The following SGCD variants were observed in gnomAD, a reference collection of about 807,000 sequenced individuals.
The protein encoded by SGCD is sarcoglycan delta, also known as delta-sarcoglycan.
SGCD carries 18 observed loss-of-function variants against 36.6 expected under a neutral mutation model. The ratio of observed to expected loss-of-function variants is 0.49; its 90% CI spans 0.34 to 0.73. The LOEUF (loss-of-function observed/expected upper bound fraction) is 0.73, where lower values mean the gene tolerates loss of function less well. Among genes scored for constraint, SGCD ranks in the 30% least tolerant of loss-of-function variants. The pLI, the probability that SGCD is intolerant of heterozygous loss-of-function variation, is 0.01. For missense variants in SGCD, 387 were observed against 346.7 expected (o/e 1.12, Z -0.92); for synonymous variants, 133 against 130.6 (o/e 1.02, Z -0.12).
intron 1 of SGCD, among the ~76,000 whole-genome samples, chr5:155,955,549 C>G (rs1401017218): frequency 6.6e-6 from 1 of 151,968 alleles, no homozygotes; most frequent in South Asian, 2.1e-4. Flanking sequence ...TCTCATTTTT[C>G]TTTGTGAAAA....
chr5:155,982,245 G>T (rs189164279), intron 1 of SGCD, among the ~76,000 whole-genome samples: 37 of 152,270 alleles, frequency 2.4e-4, no homozygotes, highest in African/African-American at 8.2e-4. Context: ...GGGCATGAGG[G>T]CAGGGCTTTG....
chr5:156,306,539 A>C (rs1276869820), intron 3 of SGCD, among the ~76,000 whole-genome samples: 1 of 152,228 alleles, frequency 6.6e-6, no homozygotes, highest in Non-Finnish European at 1.5e-5. Context: ...GCTGTTTTCT[A>C]TACAAAGTCT....
rs2113209464 is a variant in SGCD at position 156,765,446 on chromosome 5, T to G, written c.*6056T>G. On this transcript the variant is annotated 3_prime_UTR_variant, in exon 9 of 9. Transcript: ENST00000337851. ...GACAATCTGAGCCAATCTATGAAACTTCTCCCCAAAAAGAACCACCCCACA... is the reference window on the plus strand; with the variant it reads ...GACAATCTGAGCCAATCTATGAAACGTCTCCCCAAAAAGAACCACCCCACA... 1 of 152,260 alleles carries G rather than the reference T, an allele frequency of 6.6e-6. No individual in the cohort carries two copies. The highest frequency in any genetic ancestry group is 2.4e-5 in the African/African-American group (1 of 41,556). The allele number at this position is 152,260 out of a possible 1,614,324, so 9.4% of individuals were successfully genotyped here. A position where few individuals can be genotyped will look rare whatever the true frequency, so the allele number is the denominator to read the frequency against.
chr5:156,360,167 C>A (rs1344425369), intron 3 of SGCD, among the ~76,000 whole-genome samples: 2 of 152,184 alleles, frequency 1.3e-5, no homozygotes, highest in East Asian at 3.9e-4. Flanking sequence ...AAATTCAGAA[C>A]TTGTCTTCCT....
At chr5:156,647,646 AATT>A in intron 7 of SGCD, 110 bp downstream of exon 7, 1 of 11,164 alleles carries the variant, frequency 9.0e-5, no homozygotes, top group Non-Finnish European at 1.3e-4. Context: ...TGAATACATA[AATT>A]GAAAGAGGTT....
At chr5:156,434,325 A>T (rs753880675) in intron 3 of SGCD, among the ~76,000 whole-genome samples, 2 of 152,202 alleles carry the variant, frequency 1.3e-5, no homozygotes, top group African/African-American at 4.8e-5. Context: ...CAGAGTTTAG[A>T]TGGGAGGGAT....
intron 7 of SGCD, among the ~76,000 whole-genome samples, chr5:156,673,712 G>A (rs905003350): frequency 6.6e-6 from 1 of 152,066 alleles, no homozygotes; most frequent in African/African-American, 2.4e-5. Context: ...ATAAATTCAG[G>A]GTCTTAAAAA....
chr5:156,738,103 TCATTAGATGTTCTGAGAG>T (rs1756470394), intron 7 of SGCD, among the ~76,000 whole-genome samples: 1 of 152,194 alleles, frequency 6.6e-6, no homozygotes, highest in African/African-American at 2.4e-5. Flanking sequence ...GTTGCATGGG[TCATTAGATGTTCTGAGAG>T]CATTAGGTCT....
At chr5:155,804,503 T>G in the SGCD span, among the ~76,000 whole-genome samples, 56 of 152,356 alleles carry the variant, frequency 3.7e-4, no homozygotes, top group Admixed American at 5.9e-4. Context: ...TATGATTGTA[T>G]CCACTGTGTG....
At chr5:156,275,782 A>C (rs777227664) in intron 3 of SGCD, among the ~76,000 whole-genome samples, 1 of 152,198 alleles carries the variant, frequency 6.6e-6, no homozygotes, top group Non-Finnish European at 1.5e-5. Context: ...TGTGAAGTAT[A>C]TGCTATCATT....
intron 7 of SGCD, among the ~76,000 whole-genome samples, chr5:156,671,061 C>G (rs1169127870): frequency 6.6e-6 from 1 of 151,564 alleles, no homozygotes; most frequent in Non-Finnish European, 1.5e-5. Flanking sequence ...GTTCTTTACA[C>G]TATGGTGGTT....
chr5:156,199,014 A>ATC (rs1244266724), intron 3 of SGCD, among the ~76,000 whole-genome samples: 1 of 152,016 alleles, frequency 6.6e-6, no homozygotes, highest in African/African-American at 2.4e-5. Context: ...TTGAATAATT[A>ATC]TCTATTCGAC....
At chr5:156,545,727 C>A (rs1194040151) in intron 4 of SGCD, among the ~76,000 whole-genome samples, 1 of 152,152 alleles carries the variant, frequency 6.6e-6, no homozygotes, top group Non-Finnish European at 1.5e-5. Flanking sequence ...TACCCGTCTT[C>A]GGCCTGGGGG....
At chr5:155,789,891 T>G in the SGCD span, among the ~76,000 whole-genome samples, 1 of 152,100 alleles carries the variant, frequency 6.6e-6, no homozygotes, top group African/African-American at 2.4e-5. Flanking sequence ...CCCTTATTTT[T>G]AATCCATTGT....
chr5:156,757,447 T>C lies in SGCD; in HGVS notation c.576-134T>C, dbSNP rs1401216488. On this transcript the variant is annotated intron_variant, in intron 7 of 8. Coordinates refer to ENST00000337851, the MANE Select transcript of SGCD (RefSeq NM_000337.6). ...GCTCCCTGTCATAAACTTGACCAGG[T>C]TGTAAAGCAAAACTTTAAAAAATTC... 1.0e-5 allele frequency: 6 copies of C among 576,922 alleles called. No homozygotes were observed. In the South Asian group the frequency reaches 1.5e-4, roughly 14 times the overall value. The allele number at this position is 576,922 out of a possible 1,614,324, so 35.7% of individuals were successfully genotyped here.
rs565867524 is a variant in SGCD, at chr5:156,204,476, A to T, written c.-44+80457A>T. 5.8e-3 allele frequency among the ~76,000 whole-genome samples: 363 copies of T among 62,556 alleles called. 7 individuals carry two copies. Among genetic ancestry groups the T allele is most frequent in the South Asian group, 0.057 (161 of 2,848 alleles). 41.0% of individuals were successfully genotyped at this position (62,556 alleles called of 152,430 possible). On this transcript the variant is annotated intron_variant, in intron 3 of 9. Coordinates refer to the SGCD transcript ENST00000517913. ...ACTAGTTTAGCCAACACACTCATACACACACACACACACACACACACACAC... is the reference window on the plus strand; with the variant it reads ...ACTAGTTTAGCCAACACACTCATACTCACACACACACACACACACACACAC...
chr5:156,613,774 TCTC>T (rs1386824731), intron 6 of SGCD, among the ~76,000 whole-genome samples: 4 of 152,136 alleles, frequency 2.6e-5, no homozygotes, highest in African/African-American at 7.2e-5. Flanking sequence ...TTGCCACAAA[TCTC>T]CTGGTAACTT....
In SGCD at chr5:156,583,551, G is replaced by A. The variant is rs1760370649; in HGVS notation, c.295-5680G>A. 2.0e-5 allele frequency among the ~76,000 whole-genome samples: 3 copies of A among 152,184 alleles called. No individual in the cohort carries two copies. In the South Asian group the frequency reaches 6.2e-4, roughly 31 times the overall value. On this transcript the variant is annotated intron_variant, in intron 4 of 8. Coordinates refer to ENST00000337851, the MANE Select transcript of SGCD (RefSeq NM_000337.6). ...ATATCATGTACTCCTCTTTCTAGCA[G>A]ATGCCACAAGGTAACCAGAGTGATC...
At chr5:156,669,364 C>G (rs999305026) in intron 7 of SGCD, among the ~76,000 whole-genome samples, 1 of 151,942 alleles carries the variant, frequency 6.6e-6, no homozygotes, top group Non-Finnish European at 1.5e-5. Context: ...CACATAAGCC[C>G]CCTCCCCTCT....
Sources: allele counts gnomAD v4.1 joint callset (sites outside exome capture counted in the v4.1 genomes callset), GRCh38; gene constraint gnomAD v4.1.1; transcripts MANE v1.5; gene names NCBI Gene and HGNC (gene_info 2026-07-23, HGNC 2026-07-21).